SMYD3: variants seen among roughly 807,000 people sequenced by gnomAD.
SMYD3 encodes SET and MYND domain containing 3.
Under a neutral mutation model 57.7 loss-of-function variants are expected in SMYD3, and 36 were observed. The ratio of observed to expected loss-of-function variants is 0.62; its 90% CI spans 0.48 to 0.82. The LOEUF is 0.82. Among genes scored for constraint, SMYD3 ranks in the 40% least tolerant of loss-of-function variants. The pLI is 0.00. For missense variants in SMYD3, 515 were observed against 538.8 expected, an observed-to-expected ratio of 0.96 and a Z score of 0.44; for synonymous variants, 211 against 195.0, an observed-to-expected ratio of 1.08 and a Z score of -0.68.
At chr1:246,312,545 A>T (rs1442054976) in intron 5 of SMYD3, among the ~76,000 whole-genome samples, 1 of 152,170 alleles carries the variant, frequency 6.6e-6, no homozygotes, top group Admixed American at 6.5e-5. Flanking sequence ...GGCTCAGGAG[A>T]TTGCAACGTC....
intron 5 of SMYD3, among the ~76,000 whole-genome samples, chr1:246,118,803 A>G (rs541737403): frequency 8.0e-6 from 1 of 124,640 alleles, no homozygotes; most frequent in South Asian, 2.8e-4. Context: ...AAAAGGTATG[A>G]GGCACGTGCT....
chr1:245,781,693 T>G (rs1011706893), intron 10 of SMYD3, among the ~76,000 whole-genome samples: 2 of 152,186 alleles, frequency 1.3e-5, no homozygotes, highest in Non-Finnish European at 2.9e-5. Flanking sequence ...AAAGAAAATA[T>G]GTCTGGGCCA....
At chr1:245,817,263 G>A (rs1317049116) in intron 10 of SMYD3, among the ~76,000 whole-genome samples, 10 of 144,172 alleles carry the variant, frequency 6.9e-5, no homozygotes, top group East Asian at 4.1e-4. Context: ...AGCCTAACTG[G>A]GAGGCACCCC....
chr1:245,865,039 A>C (rs1202577247), intron 8 of SMYD3, among the ~76,000 whole-genome samples: 1 of 152,236 alleles, frequency 6.6e-6, no homozygotes, highest in Admixed American at 6.5e-5. Context: ...TCTGGCATCT[A>C]GCACAGTGCC....
chr1:246,178,609 G>C (rs1043463848), intron 5 of SMYD3, among the ~76,000 whole-genome samples: 1 of 152,086 alleles, frequency 6.6e-6, no homozygotes, highest in African/African-American at 2.4e-5. Flanking sequence ...ATAAAAACAG[G>C]CACACCCACT....
intron 1 of SMYD3, among the ~76,000 whole-genome samples, chr1:246,457,290 G>A (rs888704290): frequency 6.6e-6 from 1 of 151,968 alleles, no homozygotes; most frequent in Non-Finnish European, 1.5e-5. Context: ...GAAACTCTCA[G>A]GTGACTCTTA....
chr1:245,760,282 A>C (rs1048519764), intron 11 of SMYD3, among the ~76,000 whole-genome samples: 2 of 152,226 alleles, frequency 1.3e-5, no homozygotes, highest in Non-Finnish European at 2.9e-5. Context: ...AGGGTTTCTA[A>C]GACAAGAAAG....
At chr1:246,016,398 C>T (rs749347273) in intron 5 of SMYD3, among the ~76,000 whole-genome samples, 4 of 151,702 alleles carry the variant, frequency 2.6e-5, no homozygotes, top group Non-Finnish European at 4.4e-5. Context: ...GCTTGGTCAA[C>T]GTGGTGAAAC....
chr1:246,418,455 G>A (rs2067096113), intron 1 of SMYD3, among the ~76,000 whole-genome samples: 1 of 152,178 alleles, frequency 6.6e-6, no homozygotes, highest in African/African-American at 2.4e-5. Context: ...TGAAGCCCCA[G>A]TGGGCATGTG....
intron 10 of SMYD3, among the ~76,000 whole-genome samples, chr1:245,778,904 A>T (rs1425821813): frequency 1.3e-5 from 2 of 152,210 alleles, no homozygotes; most frequent in African/African-American, 2.4e-5. Flanking sequence ...TCACACCTGT[A>T]ATCCCAGCAC....
At chr1:245,840,270 A>G (rs752824941) in intron 10 of SMYD3, among the ~76,000 whole-genome samples, 11 of 152,232 alleles carry the variant, frequency 7.2e-5, no homozygotes, top group Admixed American at 2.0e-4. Flanking sequence ...AACATCAAAG[A>G]GCAGAGCAGA....
At chr1:245,772,801 T>C (rs1432212993) in intron 10 of SMYD3, among the ~76,000 whole-genome samples, 1 of 152,182 alleles carries the variant, frequency 6.6e-6, no homozygotes, top group Non-Finnish European at 1.5e-5. Flanking sequence ...ATCTGAAATG[T>C]CCATGTTATT....
intron 10 of SMYD3, chr1:245,814,511 A>T: frequency 1.6e-6 from 1 of 619,142 alleles, no homozygotes; most frequent in Non-Finnish European, 2.0e-6. Flanking sequence ...TACTTGTTTT[A>T]AAGTCTTGCC....
chr1:246,119,423 T>C (rs900069474), intron 5 of SMYD3, among the ~76,000 whole-genome samples: 9 of 150,584 alleles, frequency 6.0e-5, no homozygotes, highest in Non-Finnish European at 1.0e-4. Flanking sequence ...CTTTTTTTTT[T>C]TTTTTTTGAG....
chr1:246,372,700 A>G (rs1258176766), intron 1 of SMYD3, among the ~76,000 whole-genome samples: 1 of 152,234 alleles, frequency 6.6e-6, no homozygotes, highest in East Asian at 1.9e-4. Context: ...GCGAAACCCC[A>G]TCTCTACTGG....
At chr1:246,418,426 G>A (rs759038618) in intron 1 of SMYD3, among the ~76,000 whole-genome samples, 1 of 152,178 alleles carries the variant, frequency 6.6e-6, no homozygotes, top group Non-Finnish European at 1.5e-5. Flanking sequence ...AGTGTCTAGA[G>A]GTGTATGTTT....
chr1:246,453,017 T>C (rs1361462691), intron 1 of SMYD3, among the ~76,000 whole-genome samples: 1 of 152,238 alleles, frequency 6.6e-6, no homozygotes, highest in Non-Finnish European at 1.5e-5. Context: ...TTTTATTTAT[T>C]TACCACACAT....
intron 5 of SMYD3, among the ~76,000 whole-genome samples, chr1:246,201,290 T>C (rs10924545): frequency 0.42 from 63,155 of 151,946 alleles, 14,681 homozygotes; most frequent in East Asian, 0.79. Flanking sequence ...TAATCCCTAA[T>C]GGCAGTCAAC....
chr1:246,192,810 A>G (rs2062760652), intron 5 of SMYD3, among the ~76,000 whole-genome samples: 3 of 152,160 alleles, frequency 2.0e-5, no homozygotes, highest in African/African-American at 7.2e-5. Context: ...AGCTCTCTCT[A>G]GGGAAAAAGG....
Sources: gnomAD v4.1 joint callset for allele counts (sites outside exome capture counted in the v4.1 genomes callset) on GRCh38, gnomAD v4.1.1 for gene constraint, MANE v1.5 for transcripts, NCBI Gene and HGNC (gene_info 2026-07-23, HGNC 2026-07-21) for gene names.